MIGA1: variants seen among roughly 807,000 people sequenced by gnomAD.
The protein encoded by MIGA1 is mitoguardin 1, also known as family with sequence similarity 73, member A.
In MIGA1, 58 loss-of-function variants were observed where a neutral mutation model predicts 82.0. The observed-to-expected ratio is 0.71, with a 90% CI of 0.57 to 0.88. MIGA1 has a LOEUF of 0.88. MIGA1 is among the 40% of genes least tolerant of loss of function. MIGA1 has a pLI of 0.00. For synonymous variants in MIGA1, 249 were observed against 253.6 expected, an observed-to-expected ratio of 0.98 and a Z score of 0.17; for missense variants, 751 against 749.1, an observed-to-expected ratio of 1.00 and a Z score of -0.03.
chr1:77,781,125 T>G (rs1311738024), intron 1 of MIGA1, among the ~76,000 whole-genome samples: 1 of 152,072 alleles, frequency 6.6e-6, no homozygotes, highest in Non-Finnish European at 1.5e-5. Context: ...GCCAGGCTGG[T>G]CTTGAACTCT....
rs1181176434 is a variant in MIGA1, at chr1:77,801,463, G to A, written c.328G>A (p.Glu110Lys). 1 of 1,605,666 alleles carries A rather than the reference G, an allele frequency of 6.2e-7. No homozygotes were observed. The highest frequency in any genetic ancestry group is 1.8e-5 in the Admixed American group (1 of 57,022). ...AGGAAAAATATTACCATGGGAACCA[G>A]AGCACCTCATACTTGAATACACTAA... Residue 110 changes from glutamate (E) to lysine (K), a missense_variant, in exon 3 of 16, where the codon GAG becomes AAG. Physicochemically the swap from Glu to Lys is moderately conservative, Grantham distance 56. This residue lies in a region of MIGA1 where 482 missense variants were observed against 439.4 expected (regional missense o/e 1.10). Transcript: ENST00000370791.
intron 8 of MIGA1, among the ~76,000 whole-genome samples, chr1:77,857,014 G>T (rs1685286191): frequency 6.6e-6 from 1 of 152,058 alleles, no homozygotes; most frequent in East Asian, 1.9e-4. Flanking sequence ...GGCGTTTAGG[G>T]CTATGAACTT....
intron 15 of MIGA1, 130 bp from the exon 16 acceptor site, chr1:77,874,713 CTAA>C (rs1646880132): frequency 1.5e-6 from 1 of 650,768 alleles, no homozygotes; most frequent in Admixed American, 2.9e-5. Flanking sequence ...GGTCCCTTTT[CTAA>C]TGAGATATGA....
intron 7 of MIGA1, among the ~76,000 whole-genome samples, chr1:77,828,411 C>T (rs1299961242): frequency 6.6e-6 from 1 of 152,086 alleles, no homozygotes; most frequent in Non-Finnish European, 1.5e-5. Context: ...TTTCTGCTTA[C>T]GAGGCCCTGC....
At position 77,877,614 on chromosome 1, in the gene MIGA1, A is replaced by G. The variant is rs1011693384; in HGVS notation, c.*2550A>G. On this transcript the variant is annotated 3_prime_UTR_variant, in exon 16 of 16. Transcript: ENST00000370791. ...GACAAGACAGTTATTGCTTATAGTAATTTACCCATTTGAGGGCTAAGTGTT... is the reference window on the plus strand; with the variant it reads ...GACAAGACAGTTATTGCTTATAGTAGTTTACCCATTTGAGGGCTAAGTGTT... 1.3e-5 allele frequency: 2 copies of G among 152,648 alleles called. No homozygotes were observed. The highest frequency in any genetic ancestry group is 2.9e-5 in the Non-Finnish European group (2 of 68,044). 9.5% of individuals were successfully genotyped at this position (152,648 alleles called of 1,614,324 possible).
intron 7 of MIGA1, among the ~76,000 whole-genome samples, chr1:77,819,366 C>T (rs1481335049): frequency 5.3e-5 from 8 of 151,994 alleles, no homozygotes; most frequent in Non-Finnish European, 4.4e-5. Flanking sequence ...TCACTGCAGC[C>T]TCCACCTCCT....
intron 6 of MIGA1, 25 bp downstream of exon 6, chr1:77,813,892 CT>C: frequency 6.2e-7 from 1 of 1,610,328 alleles, no homozygotes; most frequent in South Asian, 1.1e-5. Context: ...TTTGAGTGGT[CT>C]TCATAATATT....
intron 1 of MIGA1, among the ~76,000 whole-genome samples, chr1:77,782,452 A>G (rs946664967): frequency 1.3e-5 from 2 of 152,086 alleles, no homozygotes; most frequent in African/African-American, 4.8e-5. Context: ...TTATTTCTTT[A>G]TTATAAATAG....
chr1:77,869,926 A>C (rs1294077175), intron 14 of MIGA1, among the ~76,000 whole-genome samples: 13 of 75,596 alleles, frequency 1.7e-4, no homozygotes, highest in Admixed American at 4.2e-4. Context: ...GACCCCGCCC[A>C]CCTCCCTCCC....
chr1:77,873,055 C>T lies in MIGA1; in HGVS notation c.1615C>T (p.Pro539Ser). 1 of 1,613,856 alleles carries T rather than the reference C, an allele frequency of 6.2e-7. No homozygotes were observed. Residue 539 changes from proline to serine, a missense_variant, in exon 15 of 16, where the codon CCT becomes TCT. Pro to Ser is a moderately conservative substitution (Grantham distance 74). This residue lies in a region of MIGA1 where 265 missense variants were observed against 293.6 expected (regional missense o/e 0.90). Coordinates refer to ENST00000370791, the MANE Select transcript of MIGA1 (RefSeq NM_198549.4). ...TTATGCCATTTGTGAACACATCAGTCCTGTCCTAGCCTGGGGCTTTTTGGG... is the reference window on the plus strand; with the variant it reads ...TTATGCCATTTGTGAACACATCAGTTCTGTCCTAGCCTGGGGCTTTTTGGG...
At chr1:77,815,297 C>T (rs988269880) in intron 7 of MIGA1, 66 bp downstream of exon 7, 3 of 1,319,490 alleles carry the variant, frequency 2.3e-6, no homozygotes, top group Non-Finnish European at 3.1e-6. Flanking sequence ...TTGGAATCAT[C>T]TGCATAAGTG....
At chr1:77,794,365 A>G (rs1010263374) in intron 2 of MIGA1, among the ~76,000 whole-genome samples, 2 of 152,086 alleles carry the variant, frequency 1.3e-5, no homozygotes, top group Non-Finnish European at 2.9e-5. Flanking sequence ...AGGTTTCCTT[A>G]GTCTTCTCCA....
chr1:77,794,727 T>G (rs1682581505), intron 2 of MIGA1, among the ~76,000 whole-genome samples: 2 of 152,128 alleles, frequency 1.3e-5, no homozygotes, highest in African/African-American at 4.8e-5. Flanking sequence ...GCTTGAGCCC[T>G]GGAGTTTAAG....
rs1683341485 is a variant in MIGA1 at position 77,811,753 on chromosome 1, T to C, written c.638-1981T>C. The C allele has an allele frequency of 1.9e-6, 3 of 1,606,676 alleles. No individual in the cohort carries two copies. In the East Asian group the frequency reaches 6.7e-5, roughly 36 times the overall value. On this transcript the variant is annotated intron_variant, in intron 5 of 15. Coordinates refer to ENST00000370791, the MANE Select transcript of MIGA1 (RefSeq NM_198549.4). Reference sequence around the variant, plus strand: ...TCTCCTAAAACTGGCGCCCCAGCGCTGCAGCAGACTCCGGGTCACCTCCGA... The same window carrying C: ...TCTCCTAAAACTGGCGCCCCAGCGCCGCAGCAGACTCCGGGTCACCTCCGA...
chr1:77,813,100 G>A (rs1683409693), intron 5 of MIGA1, among the ~76,000 whole-genome samples: 1 of 152,052 alleles, frequency 6.6e-6, no homozygotes, highest in Non-Finnish European at 1.5e-5. Context: ...TCCCGCATCA[G>A]CCTCCTGAGT....
In MIGA1 at chr1:77,815,504, G is replaced by A. The variant is rs554304959; in HGVS notation, c.895+273G>A. 5.9e-5 allele frequency among the ~76,000 whole-genome samples: 9 copies of A among 152,228 alleles called. No homozygotes were observed. The South Asian group carries it at 1.7e-3, about 28-fold the overall frequency. On this transcript the variant is annotated intron_variant, in intron 7 of 15. Transcript: ENST00000370791. ...TGTGGGTGAAAAAATCTAGTTAAGA[G>A]TGTTGGAGGGAGAAAAGAATAAAAA...
chr1:77,864,706 A>G (rs555056735), intron 13 of MIGA1, among the ~76,000 whole-genome samples: 1 of 152,206 alleles, frequency 6.6e-6, no homozygotes, highest in South Asian at 2.1e-4. Flanking sequence ...GTAGATTGTT[A>G]AGATTTACAT....
chr1:77,862,802 A>G (rs1391284702), intron 12 of MIGA1, among the ~76,000 whole-genome samples: 3 of 151,970 alleles, frequency 2.0e-5, no homozygotes, highest in East Asian at 1.9e-4. Context: ...TTAGCCAGGC[A>G]TGGTGGTGCA....
At chr1:77,859,563 A>G (rs1685388005) in intron 10 of MIGA1, 177 bp downstream of exon 10, 1 of 546,734 alleles carries the variant, frequency 1.8e-6, no homozygotes, top group Non-Finnish European at 3.3e-6. Context: ...ATTTGTTTCC[A>G]TATTTCATTA....
Sources: allele counts gnomAD v4.1 joint callset (sites outside exome capture counted in the v4.1 genomes callset), GRCh38; gene constraint gnomAD v4.1.1; regional missense constraint gnomAD v4.1.1; transcripts MANE v1.5; gene names NCBI Gene and HGNC (gene_info 2026-07-23, HGNC 2026-07-21).